PGC: variants seen among roughly 807,000 people sequenced by gnomAD.
PGC encodes progastricsin, also known as gastricsin.
A neutral mutation model predicts 45.9 loss-of-function variants in PGC; 31 were observed. That is an observed-to-expected ratio of 0.67 (90% CI 0.51 to 0.91). The LOEUF (loss-of-function observed/expected upper bound fraction) is 0.91. PGC is among the 40% of genes least tolerant of loss of function. PGC has a pLI of 0.00. For missense variants in PGC, 477 were observed against 493.2 expected, an observed-to-expected ratio of 0.97 and a Z score of 0.31; for synonymous variants, 192 against 201.8, an observed-to-expected ratio of 0.95 and a Z score of 0.41.
intron 7 of PGC, among the ~76,000 whole-genome samples, chr6:41,738,166 GCA>G (rs1491165631): frequency 5.2e-5 from 1 of 19,070 alleles, no homozygotes; most frequent in South Asian, 1.4e-3. Context: ...ACATATATAT[GCA>G]TATATATATA....
chr6:41,746,162 CAA>C (rs11461815), intron 1 of PGC, among the ~76,000 whole-genome samples: 1 of 144,962 alleles, frequency 6.9e-6, no homozygotes. Flanking sequence ...AGTTCTGTTT[CAA>C]AAAAAAAAAC....
chr6:41,741,123 C>T, intron 5 of PGC: 1 of 1,537,132 alleles, frequency 6.5e-7, no homozygotes, highest in Non-Finnish European at 8.7e-7. Flanking sequence ...TACTTTTCTG[C>T]TGAGATTGGA....
intron 7 of PGC, among the ~76,000 whole-genome samples, chr6:41,738,967 CAAAAACA>C (rs377552655): frequency 1.2e-3 from 182 of 151,068 alleles, no homozygotes; most frequent in African/African-American, 4.1e-3. Context: ...CTCAAAAAAA[CAAAAACA>C]AAAAACAAAA....
chr6:41,737,504 A>C (rs181596018), intron 8 of PGC, among the ~76,000 whole-genome samples: 11 of 152,364 alleles, frequency 7.2e-5, no homozygotes, highest in Admixed American at 2.0e-4. Flanking sequence ...CAAAGAGCCC[A>C]GTGCCTCTCC....
intron 4 of PGC, among the ~76,000 whole-genome samples, chr6:41,742,771 C>T (rs568358826): frequency 1.9e-4 from 29 of 152,168 alleles, no homozygotes; most frequent in Non-Finnish European, 3.4e-4. Flanking sequence ...ACTGCAGGCG[C>T]GTGCCACCAC....
rs559388699 is a variant in PGC at position 41,747,048 on chromosome 6, G to A, written c.59+228C>T. On this transcript the variant is annotated intron_variant, in intron 1 of 8. Transcript: ENST00000373025. ...TCAGGTCCATCTTTCCTCATCAGAT[G>A]GGGGAAGGGATCGTGCTTTTCCCTT... 9.2e-5 allele frequency among the ~76,000 whole-genome samples: 14 copies of A among 152,328 alleles called. No homozygotes were observed. The East Asian group carries it at 2.5e-3, about 27-fold the overall frequency.
intron 5 of PGC, chr6:41,741,768 G>C: frequency 6.6e-7 from 1 of 1,517,246 alleles, no homozygotes; most frequent in Non-Finnish European, 8.9e-7. Context: ...GCCTGCACAT[G>C]CTTGTGTTGA....
chr6:41,740,087 T>C (rs1022541350), intron 6 of PGC, 141 bp from the exon 7 acceptor site: 47 of 696,900 alleles, frequency 6.7e-5, no homozygotes, highest in Non-Finnish European at 8.9e-5. Context: ...AATCCGGCTA[T>C]TCCCCTGCAT....
Position 41,737,772 on chromosome 6 carries a change from A to C in PGC, c.972T>G (p.Asn324Lys). 6.2e-7 allele frequency: 1 copy of C among 1,612,746 alleles called. No homozygotes were observed. The change falls in exon 8 of 9, where the codon AAT (asparagine) becomes AAG (lysine). Residue 324 changes from asparagine to lysine, a missense_variant. By Grantham distance (94) the Asn-to-Lys change is moderately conservative. Transcript: ENST00000373025. ...AAGGTGGCAGAGGGAACTCCACACC[A>C]TTGATGATGAAGGTCAAGCTGGGCA... ...QNLPSLTFII[N>K]GVEFPLPPSS...
chr6:41,743,443 G>T, intron 3 of PGC, 54 bp from the exon 4 acceptor site: 1 of 1,098,456 alleles, frequency 9.1e-7, no homozygotes, highest in Non-Finnish European at 1.4e-6. Context: ...GGGCTGCTCA[G>T]CTCTCAGGCC....
intron 5 of PGC, chr6:41,741,880 T>C: frequency 1.4e-6 from 2 of 1,471,618 alleles, no homozygotes; most frequent in Non-Finnish European, 1.8e-6. Flanking sequence ...AGCAATACAT[T>C]ACTATGCAAA....
intron 6 of PGC, 123 bp from the exon 7 acceptor site, chr6:41,740,069 C>G (rs1771793662): frequency 1.3e-6 from 1 of 796,180 alleles, no homozygotes; most frequent in East Asian, 2.7e-5. Flanking sequence ...GAGGACCCTG[C>G]AAAGATCAAT....
At chr6:41,741,093 C>T (rs1426757568) in intron 5 of PGC, 1 of 1,537,134 alleles carries the variant, frequency 6.5e-7, no homozygotes, top group South Asian at 1.2e-5. Context: ...CACCGGGATC[C>T]CCACCCCGGC....
At chr6:41,742,596 C>T (rs1771851134) in intron 4 of PGC, 107 bp from the exon 5 acceptor site, 16 of 788,380 alleles carry the variant, frequency 2.0e-5, no homozygotes, top group Non-Finnish European at 2.8e-5. Context: ...CTCACCTCTG[C>T]CCCCTTCTTT....
intron 7 of PGC, among the ~76,000 whole-genome samples, chr6:41,738,191 CATATAT>C: frequency 9.0e-5 from 1 of 11,070 alleles, no homozygotes; most frequent in African/African-American, 1.5e-4. Context: ...TATATATATG[CATATAT>C]ATATGCATAT....
chr6:41,743,422 CG>C, intron 3 of PGC, 33 bp from the exon 4 acceptor site: 1 of 1,382,570 alleles, frequency 7.2e-7, no homozygotes, highest in South Asian at 1.2e-5. Flanking sequence ...GGAGTCAGGC[CG>C]GCTGGGGCAG....
In PGC at chr6:41,744,001, A is replaced by G. The variant is rs541332207; in HGVS notation, c.328+396T>C. ...TTGTGTCTCTTGGAGACACTCAGTG[A>G]GAACTTAGTAAATACTGAGGTGGAG... On this transcript the variant is annotated intron_variant, in intron 3 of 8. Coordinates refer to ENST00000373025, the MANE Select transcript of PGC (RefSeq NM_002630.4). This position sits in a 1 kb window ranked among gnomAD's most constrained non-coding sequence, Gnocchi z 4.4. Among the ~76,000 whole-genome samples the G allele has an allele frequency of 6.6e-6, 1 of 152,220 alleles. No individual in the cohort carries two copies. The highest frequency in any genetic ancestry group is 1.5e-5 in the Non-Finnish European group (1 of 68,042).
intron 7 of PGC, 117 bp downstream of exon 7, chr6:41,739,682 G>C (rs1351390280): frequency 1.9e-6 from 2 of 1,044,058 alleles, no homozygotes; most frequent in East Asian, 5.1e-5. Context: ...GCCTCCCAAA[G>C]TGTTGGGATT....
intron 8 of PGC, 86 bp downstream of exon 8, chr6:41,737,644 A>G (rs1771711182): frequency 1.3e-6 from 1 of 781,038 alleles, no homozygotes; most frequent in African/African-American, 1.7e-5. Flanking sequence ...AAATGGCACA[A>G]GGCAGGAGAC....
Sources: gnomAD v4.1 joint callset for allele counts (sites outside exome capture counted in the v4.1 genomes callset) on GRCh38, gnomAD v4.1.1 for gene constraint, Gnocchi (gnomAD v3.1) non-coding constraint, MANE v1.5 for transcripts, NCBI Gene and HGNC (gene_info 2026-07-23, HGNC 2026-07-21) for gene names.